The following ASTN2 variants were observed in gnomAD, a reference collection of about 807,000 sequenced individuals.
The protein encoded by ASTN2 is astrotactin-2.
Under a neutral mutation model 139.8 loss-of-function variants are expected in ASTN2, and 54 were observed. That is an observed-to-expected ratio of 0.39 (90% confidence interval 0.31 to 0.48). The LOEUF (loss-of-function observed/expected upper bound fraction) is 0.48, where lower values mean the gene tolerates loss of function less well. Among genes scored for constraint, ASTN2 ranks in the 20% least tolerant of loss-of-function variants. The pLI is 0.95. For synonymous variants in ASTN2, 756 were observed against 719.5 expected, an observed-to-expected ratio of 1.05 and a Z score of -0.81; for missense variants, 1,565 against 1,725.1, an observed-to-expected ratio of 0.91 and a Z score of 1.64.
chr9:116,742,414 G>C (rs1829118933), intron 13 of ASTN2, among the ~76,000 whole-genome samples: 1 of 152,214 alleles, frequency 6.6e-6, no homozygotes, highest in Non-Finnish European at 1.5e-5. Flanking sequence ...GGAAAGTCAA[G>C]TGGCTGAGAG....
chr9:117,390,680 G>A (rs1197635874), intron 1 of ASTN2, among the ~76,000 whole-genome samples: 1 of 152,038 alleles, frequency 6.6e-6, no homozygotes, highest in African/African-American at 2.4e-5. Flanking sequence ...GATATTAATA[G>A]CTCATCTATT....
chr9:116,588,227 T>C (rs968275160), intron 19 of ASTN2, among the ~76,000 whole-genome samples: 4 of 152,210 alleles, frequency 2.6e-5, no homozygotes, highest in Admixed American at 6.5e-5. Context: ...CAGCTCTGCT[T>C]AAGAAGAACT....
At position 116,440,667 on chromosome 9, in the gene ASTN2, A is replaced by C. The variant is rs1256922107; in HGVS notation, c.3724T>G (p.Ser1242Ala). 2 of 1,614,098 alleles carry C rather than the reference A, an allele frequency of 1.2e-6. No individual in the cohort carries two copies. The highest frequency in any genetic ancestry group is 2.2e-5 in the South Asian group (2 of 91,080). ...AAGTCGCCAAACTTTTCATAGTGAG[A>C]GTTGTAGTGGTGCTGGACTCGGAAC... is the stretch of plus-strand genomic sequence containing the variant. ...MLFRVQHHYNSHYEKFGDFVW... is the reference protein window; with the variant it reads ...MLFRVQHHYNAHYEKFGDFVW... The change falls in exon 22 of 23, where the codon TCT becomes GCT. Residue 1242 changes from serine (S) to alanine (A), a missense_variant. By Grantham distance (99) the Ser-to-Ala change is moderately conservative. Around this residue, in one of 4 missense-constraint regions of ASTN2, gnomAD observed 418 missense variants for 465.8 expected, o/e 0.90. Coordinates refer to ENST00000313400, the MANE Select transcript of ASTN2 (RefSeq NM_001365068.1).
chr9:117,158,725 G>A (rs1830482717), intron 3 of ASTN2, among the ~76,000 whole-genome samples: 1 of 151,984 alleles, frequency 6.6e-6, no homozygotes, highest in African/African-American at 2.4e-5. Context: ...GAAATGTGCA[G>A]GGGGGCTTGT....
At chr9:117,000,874 C>T (rs1286055937) in intron 7 of ASTN2, among the ~76,000 whole-genome samples, 1 of 152,170 alleles carries the variant, frequency 6.6e-6, no homozygotes, top group Admixed American at 6.5e-5. Context: ...TATTTTCAGG[C>T]TATCAACATG....
chr9:116,434,521 T>C (rs770643072), intron 22 of ASTN2, among the ~76,000 whole-genome samples: 7 of 152,244 alleles, frequency 4.6e-5, no homozygotes, highest in Admixed American at 1.3e-4. Flanking sequence ...CTATTCGTAA[T>C]GTCTGCCATG....
At chr9:117,220,548 C>G (rs1832479354) in intron 2 of ASTN2, among the ~76,000 whole-genome samples, 1 of 152,108 alleles carries the variant, frequency 6.6e-6, no homozygotes. Flanking sequence ...CTCATAAGAA[C>G]AGGAGTGGAC....
chr9:117,330,812 G>A (rs543896704), intron 1 of ASTN2, among the ~76,000 whole-genome samples: 1 of 152,310 alleles, frequency 6.6e-6, no homozygotes, highest in East Asian at 1.9e-4. Flanking sequence ...GGATATAAAT[G>A]GAAGTTAGTT....
chr9:117,167,147 A>T (rs185263630), intron 3 of ASTN2, among the ~76,000 whole-genome samples: 25 of 152,238 alleles, frequency 1.6e-4, no homozygotes, highest in Admixed American at 1.6e-3. Flanking sequence ...TCTGAAAAAA[A>T]CCTCAAAATA....
chr9:117,126,141 A>C (rs567846810), intron 4 of ASTN2, among the ~76,000 whole-genome samples: 241 of 152,238 alleles, frequency 1.6e-3, no homozygotes, highest in Non-Finnish European at 2.6e-3. Flanking sequence ...AATGAATATG[A>C]ATCCCACCAG....
At chr9:116,507,540 G>C (rs1217590375) in intron 19 of ASTN2, among the ~76,000 whole-genome samples, 1 of 152,172 alleles carries the variant, frequency 6.6e-6, no homozygotes, top group Non-Finnish European at 1.5e-5. Flanking sequence ...TGAGTTCCTA[G>C]AAGTATGCCT....
intron 11 of ASTN2, among the ~76,000 whole-genome samples, chr9:116,860,515 G>A (rs1237673025): frequency 6.6e-6 from 1 of 152,192 alleles, no homozygotes; most frequent in African/African-American, 2.4e-5. Flanking sequence ...TGATGCTAAT[G>A]AAGTCAACAT....
intron 19 of ASTN2, among the ~76,000 whole-genome samples, chr9:116,601,055 T>C (rs1854871409): frequency 6.6e-6 from 1 of 152,210 alleles, no homozygotes; most frequent in South Asian, 2.1e-4. Context: ...AACCAAAATA[T>C]ATTGAGAATT....
rs985496460 is a variant in ASTN2 at position 117,023,883 on chromosome 9, A to C, written c.1424-15624T>G. The stretch of plus-strand genomic sequence containing the variant: ...CTGAAATAGGACTGGAGGCCTCTAG[A>C]TGCCAACTTGCTGTCCTCACACTGT... On this transcript the variant is annotated intron_variant, in intron 6 of 22. Coordinates refer to ENST00000313400, the MANE Select transcript of ASTN2 (RefSeq NM_001365068.1). 4.6e-5 allele frequency among the ~76,000 whole-genome samples: 7 copies of C among 152,186 alleles called. No individual in the cohort carries two copies. The South Asian group carries it at 1.2e-3, about 27-fold the overall frequency.
intron 11 of ASTN2, among the ~76,000 whole-genome samples, chr9:116,854,937 C>T (rs1160238145): frequency 1.3e-5 from 2 of 151,738 alleles, no homozygotes; most frequent in Admixed American, 1.3e-4. Flanking sequence ...CAGGTTTGAG[C>T]CACCGCGCCC....
At chr9:116,946,297 G>A (rs1432475060) in intron 10 of ASTN2, among the ~76,000 whole-genome samples, 1 of 152,122 alleles carries the variant, frequency 6.6e-6, no homozygotes, top group Non-Finnish European at 1.5e-5. Context: ...CTGTCCCTGA[G>A]GCTCCCCACT....
intron 3 of ASTN2, among the ~76,000 whole-genome samples, chr9:117,208,113 C>T (rs1831998472): frequency 6.6e-6 from 1 of 152,010 alleles, no homozygotes. Flanking sequence ...ATCAAGGAAA[C>T]ATGTCACTGT....
intron 5 of ASTN2, among the ~76,000 whole-genome samples, chr9:117,082,556 G>T (rs568835346): frequency 2.6e-5 from 4 of 152,086 alleles, no homozygotes; most frequent in Non-Finnish European, 4.4e-5. Context: ...AACAGTAAAT[G>T]CCTTCCTGGC....
chr9:116,547,787 A>C (rs62574401), intron 19 of ASTN2: 24,205 of 151,960 alleles, frequency 0.16, 2,094 homozygotes, highest in African/African-American at 0.21. Context: ...GCTCACATAC[A>C]CCTGAGAGGG....
Sources: allele counts gnomAD v4.1 joint callset (sites outside exome capture counted in the v4.1 genomes callset), GRCh38; gene constraint gnomAD v4.1.1; regional missense constraint gnomAD v4.1.1; transcripts MANE v1.5; gene names NCBI Gene and HGNC (gene_info 2026-07-23, HGNC 2026-07-21).